MCHR2: variants seen among roughly 807,000 people sequenced by gnomAD.
MCHR2 encodes melanin-concentrating hormone receptor 2.
Under a neutral mutation model 24.8 loss-of-function variants are expected in MCHR2, and 15 were observed. The observed-to-expected ratio is 0.60, with a 90% confidence interval of 0.40 to 0.93. The LOEUF is 0.93. MCHR2 is among the 40% of genes least tolerant of loss of function. MCHR2 has a pLI of 0.00. For missense variants in MCHR2, 386 were observed against 408.7 expected (o/e 0.94, Z 0.48); for synonymous variants, 151 against 147.6 (o/e 1.02, Z -0.17).
intron 1 of MCHR2, among the ~76,000 whole-genome samples, chr6:99,985,554 GT>G (rs1775753688): frequency 6.6e-6 from 1 of 152,028 alleles, no homozygotes; most frequent in South Asian, 2.1e-4. Flanking sequence ...CTTTGACAAA[GT>G]TGACAAAAAC....
intron 1 of MCHR2, among the ~76,000 whole-genome samples, chr6:99,992,940 T>C (rs1003522890): frequency 3.3e-5 from 5 of 152,134 alleles, no homozygotes; most frequent in African/African-American, 1.2e-4. Flanking sequence ...CACTAAGTTA[T>C]ACTAACAAAC....
At chr6:99,978,819 C>A (rs1775611132) in intron 1 of MCHR2, among the ~76,000 whole-genome samples, 1 of 152,124 alleles carries the variant, frequency 6.6e-6, no homozygotes, top group Admixed American at 6.5e-5. Context: ...AAAAAATGTA[C>A]CCTGCTTCAC....
At position 99,934,526 on chromosome 6, in the gene MCHR2, T is replaced by C; in HGVS notation, c.588-9A>G. The stretch of plus-strand genomic sequence containing the variant: ...TCAAATAAAGTGTATACCTGTAAAA[T>C]GAGAGAGAGAAGAGAGAGAGAGAAA... On this transcript the variant is annotated splice_polypyrimidine_tract_variant and intron_variant, in intron 4 of 5. Coordinates refer to ENST00000281806, the MANE Select transcript of MCHR2 (RefSeq NM_001040179.2). 2.6e-6 allele frequency: 4 copies of C among 1,559,060 alleles called. No homozygotes were observed. Among genetic ancestry groups the C allele is most frequent in the Non-Finnish European group, 3.5e-6 (4 of 1,158,254 alleles).
chr6:99,939,313 CT>C (rs1455743888), intron 4 of MCHR2, among the ~76,000 whole-genome samples: 1 of 152,006 alleles, frequency 6.6e-6, no homozygotes. Flanking sequence ...GGCGGAATGT[CT>C]TAGTTCATTC....
At chr6:99,962,834 C>T (rs1009746664) in intron 1 of MCHR2, among the ~76,000 whole-genome samples, 1 of 151,948 alleles carries the variant, frequency 6.6e-6, no homozygotes, top group Non-Finnish European at 1.5e-5. Context: ...AATTTGCAAA[C>T]CACAATTCTG....
intron 4 of MCHR2, among the ~76,000 whole-genome samples, chr6:99,937,750 C>A (rs1582378114): frequency 2.3e-5 from 2 of 85,812 alleles, no homozygotes; most frequent in South Asian, 7.7e-4. Context: ...CCTTCCTCTT[C>A]ATTTTTTTTT....
At chr6:99,975,729 G>C (rs1775536710) in intron 1 of MCHR2, among the ~76,000 whole-genome samples, 1 of 152,124 alleles carries the variant, frequency 6.6e-6, no homozygotes, top group Non-Finnish European at 1.5e-5. Context: ...AGTAAAGTCG[G>C]GAATGTATTT....
chr6:99,991,834 A>G (rs1232189112), intron 1 of MCHR2, among the ~76,000 whole-genome samples: 2 of 149,594 alleles, frequency 1.3e-5, no homozygotes, highest in African/African-American at 4.9e-5. Flanking sequence ...AAAGAAAAGA[A>G]AAAAGAAATG....
intron 1 of MCHR2, among the ~76,000 whole-genome samples, chr6:99,973,069 T>G (rs1052786811): frequency 2.0e-5 from 3 of 152,042 alleles, no homozygotes; most frequent in Non-Finnish European, 2.9e-5. Context: ...TCTGTAGATG[T>G]CTATTAGGTC....
intron 1 of MCHR2, among the ~76,000 whole-genome samples, chr6:99,963,165 G>T (rs567473496): frequency 6.6e-6 from 1 of 152,044 alleles, no homozygotes; most frequent in Non-Finnish European, 1.5e-5. Context: ...ATGTGGAAAA[G>T]TTGGAACTCT....
rs1342825356 is a variant in MCHR2, at chr6:99,934,660, A to C, written c.588-143T>G. 3 of 701,444 alleles carry C rather than the reference A, an allele frequency of 4.3e-6. No individual in the cohort carries two copies. The East Asian group carries it at 9.8e-5, about 23-fold the overall frequency. 43.5% of individuals were successfully genotyped at this position (701,444 alleles called of 1,614,324 possible). ...ATGAAAGTCCTTGTGGAAAAGCTCA[A>C]GATCTTTGGTTGCTTTATTGTAGAG... is the stretch of plus-strand genomic sequence containing the variant. On this transcript the variant is annotated intron_variant, in intron 4 of 5. Coordinates refer to ENST00000281806, the MANE Select transcript of MCHR2 (RefSeq NM_001040179.2).
At chr6:99,929,025 C>A (rs908339278) in intron 5 of MCHR2, among the ~76,000 whole-genome samples, 4 of 152,084 alleles carry the variant, frequency 2.6e-5, no homozygotes, top group African/African-American at 9.7e-5. Flanking sequence ...CCCAGAGATT[C>A]TGGTATGTTG....
At chr6:99,976,218 G>A (rs908673763) in intron 1 of MCHR2, among the ~76,000 whole-genome samples, 3 of 152,206 alleles carry the variant, frequency 2.0e-5, no homozygotes, top group African/African-American at 7.2e-5. Flanking sequence ...TCTTCAACAT[G>A]TTTGGGTTGC....
At chr6:99,954,015 T>A (rs912782627) in intron 2 of MCHR2, among the ~76,000 whole-genome samples, 15 of 152,096 alleles carry the variant, frequency 9.9e-5, no homozygotes, top group Non-Finnish European at 2.1e-4. Flanking sequence ...ACGAGCCTTC[T>A]CGGGGTGACC....
intron 4 of MCHR2, among the ~76,000 whole-genome samples, chr6:99,934,904 C>T (rs1007032135): frequency 2.0e-5 from 3 of 151,910 alleles, no homozygotes; most frequent in African/African-American, 7.2e-5. Flanking sequence ...GAGTATGATG[C>T]CATTAGTGCC....
chr6:99,921,501 A>G (rs1774231415), intron 5 of MCHR2, among the ~76,000 whole-genome samples: 1 of 152,140 alleles, frequency 6.6e-6, no homozygotes, highest in Non-Finnish European at 1.5e-5. Flanking sequence ...TTGTGGGTAC[A>G]TAGTAGGTGT....
chr6:99,968,886 A>T (rs749419871), intron 1 of MCHR2, among the ~76,000 whole-genome samples: 1 of 152,188 alleles, frequency 6.6e-6, no homozygotes, highest in Admixed American at 6.6e-5. Context: ...TATGGGCCAG[A>T]TAAGTCTGAA....
At chr6:99,930,204 A>T (rs1774483711) in intron 5 of MCHR2, among the ~76,000 whole-genome samples, 1 of 151,952 alleles carries the variant, frequency 6.6e-6, no homozygotes. Flanking sequence ...CTGCCGAGAG[A>T]TCCGCTGTTA....
chr6:99,940,104 T>C (rs1774743628), intron 4 of MCHR2, among the ~76,000 whole-genome samples: 1 of 152,018 alleles, frequency 6.6e-6, no homozygotes, highest in African/African-American at 2.4e-5. Context: ...TCTCTGATCT[T>C]CCCATATCTG....
Sources: allele counts gnomAD v4.1 joint callset (sites outside exome capture counted in the v4.1 genomes callset), GRCh38; gene constraint gnomAD v4.1.1; transcripts MANE v1.5; gene names NCBI Gene and HGNC (gene_info 2026-07-23, HGNC 2026-07-21).